The following SEC63 variants were observed in gnomAD, a reference collection of about 807,000 sequenced individuals.
SEC63 encodes translocation protein SEC63 homolog.
Under a neutral mutation model 116.2 loss-of-function variants are expected in SEC63, and 56 were observed. That is an observed-to-expected ratio of 0.48 (90% CI 0.39 to 0.60). SEC63 has a LOEUF of 0.60. Ranked by LOEUF, SEC63 falls within the 20% of genes least tolerant of loss-of-function variation. The probability of loss-of-function intolerance (pLI) is 0.00; values close to 1 mark genes in which losing one functional copy is unlikely to be tolerated. For missense variants in SEC63, 668 were observed against 900.0 expected, an observed-to-expected ratio of 0.74 and a Z score of 3.30; for synonymous variants, 273 against 294.6, an observed-to-expected ratio of 0.93 and a Z score of 0.75.
intron 1 of SEC63, among the ~76,000 whole-genome samples, chr6:107,946,516 G>A (rs1770483854): frequency 6.6e-6 from 1 of 152,074 alleles, no homozygotes. Flanking sequence ...ACATAATGCA[G>A]TTATTAATCT....
At position 107,868,410 on chromosome 6, in the gene SEC63, C is replaced by T; in HGVS notation, c.*3294G>A. The T allele has an allele frequency of 6.6e-6, 1 of 152,020 alleles. No homozygotes were observed. Among genetic ancestry groups the T allele is most frequent in the Non-Finnish European group, 1.5e-5 (1 of 68,042 alleles). 9.4% of individuals were successfully genotyped at this position (152,020 alleles called of 1,614,324 possible). On this transcript the variant is annotated 3_prime_UTR_variant, in exon 21 of 21. Coordinates refer to ENST00000369002, the MANE Select transcript of SEC63 (RefSeq NM_007214.5). The stretch of plus-strand genomic sequence containing the variant: ...GCTGGACAACGTGGCAAAATCCCAT[C>T]TCTACTAAAAATTAAAAAATTAGCT...
chr6:107,935,299 G>A (rs1207111269), intron 1 of SEC63, among the ~76,000 whole-genome samples: 1 of 151,880 alleles, frequency 6.6e-6, no homozygotes, highest in Non-Finnish European at 1.5e-5. Context: ...GTGCCCAACA[G>A]CTCACTGAGA....
At chr6:107,908,872 C>T (rs1787213219) in intron 8 of SEC63, 55 bp downstream of exon 8, 3 of 945,984 alleles carry the variant, frequency 3.2e-6, no homozygotes, top group South Asian at 1.4e-5. Flanking sequence ...ATATCAACCC[C>T]ACATAAGTCA....
intron 16 of SEC63, among the ~76,000 whole-genome samples, chr6:107,884,078 C>T (rs11153087): frequency 0.04 from 5,823 of 144,752 alleles, 359 homozygotes; most frequent in African/African-American, 0.14. Flanking sequence ...GGTGAAACCC[C>T]GTCCCTACTA....
chr6:107,907,547 A>G (rs1787173303), intron 8 of SEC63, among the ~76,000 whole-genome samples: 1 of 152,104 alleles, frequency 6.6e-6, no homozygotes, highest in Non-Finnish European at 1.5e-5. Flanking sequence ...GTGCCATTGT[A>G]CTCTAGCCTG....
chr6:107,892,389 T>C (rs1786704148), intron 16 of SEC63, among the ~76,000 whole-genome samples: 1 of 152,148 alleles, frequency 6.6e-6, no homozygotes, highest in Non-Finnish European at 1.5e-5. Context: ...ATCCCCTACC[T>C]TGCACCATTA....
At chr6:107,932,462 C>T (rs569019791) in intron 1 of SEC63, among the ~76,000 whole-genome samples, 3 of 152,000 alleles carry the variant, frequency 2.0e-5, no homozygotes, top group Non-Finnish European at 2.9e-5. Flanking sequence ...CAAGAAGTAC[C>T]GAAACCAAGT....
intron 1 of SEC63, among the ~76,000 whole-genome samples, chr6:107,938,448 T>C (rs1020367956): frequency 2.0e-5 from 3 of 151,988 alleles, no homozygotes; most frequent in African/African-American, 7.3e-5. Flanking sequence ...GAGGTCTATG[T>C]TGCCCAGGCT....
chr6:107,885,859 G>GT (rs200601075), intron 16 of SEC63, among the ~76,000 whole-genome samples: 36 of 151,082 alleles, frequency 2.4e-4, no homozygotes, highest in African/African-American at 6.1e-4. Flanking sequence ...ATCATCTGTT[G>GT]TTTTTTTTTA....
At chr6:107,934,504 G>GA (rs71015524) in intron 1 of SEC63, among the ~76,000 whole-genome samples, 4 of 141,818 alleles carry the variant, frequency 2.8e-5, no homozygotes, top group Admixed American at 6.9e-5. Context: ...GAAGTGAGGA[G>GA]CCCCTCCGCC....
intron 3 of SEC63, among the ~76,000 whole-genome samples, chr6:107,924,461 G>C (rs1008714481): frequency 1.3e-5 from 2 of 151,608 alleles, no homozygotes; most frequent in African/African-American, 4.8e-5. Context: ...GCCTACCTGG[G>C]AGGCTGAGGT....
In SEC63 at chr6:107,872,838, A is replaced by G; in HGVS notation, c.2109T>C (p.Tyr703=). The change falls in exon 20 of 21, where the codon TAT becomes TAC. Residue 703 remains tyrosine (Y), a synonymous_variant. Coordinates refer to ENST00000369002, the MANE Select transcript of SEC63 (RefSeq NM_007214.5). ...ATGGTTTAATCTGATCCAAACCCAT[A>G]TAGGAGTCTGATCTCAGAAACACAG... The part of the protein sequence containing the change: ...QYTVFLRSDS[Y]MGLDQIKPLK... 3 of 1,555,866 alleles carry G rather than the reference A, an allele frequency of 1.9e-6. No individual in the cohort carries two copies. The highest frequency in any genetic ancestry group is 2.6e-6 in the Non-Finnish European group (3 of 1,146,026).
chr6:107,897,440 A>G (rs915227132), intron 14 of SEC63, among the ~76,000 whole-genome samples: 20 of 152,348 alleles, frequency 1.3e-4, no homozygotes, highest in African/African-American at 4.8e-4. Context: ...AGAGAATTAA[A>G]CTATCACACA....
chr6:107,868,632 G>A lies in SEC63; in HGVS notation c.*3072C>T, dbSNP rs1786054747. 1 of 150,932 alleles carries A rather than the reference G, an allele frequency of 6.6e-6. No homozygotes were observed. The highest frequency in any genetic ancestry group is 6.6e-5 in the Admixed American group (1 of 15,134). The allele number at this position is 150,932 out of a possible 1,614,324, so 9.3% of individuals were successfully genotyped here. On this transcript the variant is annotated 3_prime_UTR_variant, in exon 21 of 21. Coordinates refer to ENST00000369002, the MANE Select transcript of SEC63 (RefSeq NM_007214.5). ...AAAAGGCCAGCAAAATAAACAGCTA[G>A]CCCCTAAAGAAATAATTCTTCTGCC...
At chr6:107,896,976 G>A (rs927964133) in intron 14 of SEC63, among the ~76,000 whole-genome samples, 32 of 146,714 alleles carry the variant, frequency 2.2e-4, no homozygotes, top group African/African-American at 6.8e-4. Context: ...GTGAAACTCC[G>A]TCAAAAAAGA....
intron 4 of SEC63, among the ~76,000 whole-genome samples, chr6:107,918,657 A>G (rs1583755379): frequency 6.7e-6 from 1 of 150,256 alleles, no homozygotes. Flanking sequence ...GCAGCAATGC[A>G]CTCCAGCCTG....
At chr6:107,919,494 C>G (rs1204154247) in intron 4 of SEC63, among the ~76,000 whole-genome samples, 1 of 152,120 alleles carries the variant, frequency 6.6e-6, no homozygotes, top group Non-Finnish European at 1.5e-5. Context: ...GTTGATAAAG[C>G]AGTGGCAGAA....
At position 107,870,049 on chromosome 6, in the gene SEC63, C is replaced by T. The variant is rs1261761696; in HGVS notation, c.*1655G>A. ...CCTCCTTTCACTTGACACCAGCTGG[C>T]TTACCCCCTGCCACCACACTTAGGT... On this transcript the variant is annotated 3_prime_UTR_variant, in exon 21 of 21. Transcript: ENST00000369002. 6.6e-6 allele frequency: 1 copy of T among 152,372 alleles called. No homozygotes were observed. Among genetic ancestry groups the T allele is most frequent in the Non-Finnish European group, 1.5e-5 (1 of 68,072 alleles). 9.4% of individuals were successfully genotyped at this position (152,372 alleles called of 1,614,324 possible).
intron 1 of SEC63, among the ~76,000 whole-genome samples, chr6:107,936,643 T>G (rs550363900): frequency 6.6e-6 from 1 of 152,336 alleles, no homozygotes; most frequent in East Asian, 1.9e-4. Context: ...AGCCGAACTT[T>G]ATATAGTAAA....
Sources: allele counts gnomAD v4.1 joint callset (sites outside exome capture counted in the v4.1 genomes callset), GRCh38; gene constraint gnomAD v4.1.1; transcripts MANE v1.5; gene names NCBI Gene and HGNC (gene_info 2026-07-23, HGNC 2026-07-21).